LHCGR: variants seen among roughly 807,000 people sequenced by gnomAD.
The protein encoded by LHCGR is lutropin-choriogonadotropic hormone receptor.
In LHCGR, 55 loss-of-function variants were observed where a neutral mutation model predicts 60.7. That is an observed-to-expected ratio of 0.91 (90% CI 0.73 to 1.13). The LOEUF (loss-of-function observed/expected upper bound fraction) is 1.13. LHCGR is among the 50% of genes most tolerant of loss of function. The pLI, the probability that LHCGR is intolerant of heterozygous loss-of-function variation, is 0.00. For synonymous variants in LHCGR, 337 were observed against 316.5 expected (o/e 1.06, Z -0.69); for missense variants, 862 against 836.0 (o/e 1.03, Z -0.38).
intron 1 of LHCGR, among the ~76,000 whole-genome samples, chr2:48,735,641 G>A: frequency 6.6e-6 from 1 of 152,210 alleles, no homozygotes; most frequent in East Asian, 1.9e-4. Context: ...GGCACAGACG[G>A]TGACCCTGTG....
intron 1 of LHCGR, among the ~76,000 whole-genome samples, chr2:48,737,589 G>A (rs75406769): frequency 0.015 from 2,217 of 152,224 alleles, 38 homozygotes; most frequent in African/African-American, 0.051. Context: ...CAAAGGCATC[G>A]GACTATTTGG....
chr2:48,730,686 C>T (rs1251606021), intron 2 of LHCGR, among the ~76,000 whole-genome samples: 2 of 152,146 alleles, frequency 1.3e-5, no homozygotes, highest in African/African-American at 4.8e-5. Context: ...AAGCTGAAAC[C>T]CAGAAACAAA....
chr2:48,703,459 A>G (rs1667507820), intron 8 of LHCGR, among the ~76,000 whole-genome samples: 2 of 152,190 alleles, frequency 1.3e-5, no homozygotes, highest in African/African-American at 4.8e-5. Context: ...ATAAGGGTTT[A>G]AGGAAGGGAT....
intron 2 of LHCGR, 38 bp downstream of exon 2, chr2:48,731,189 A>C (rs946803752): frequency 7.3e-7 from 1 of 1,368,070 alleles, no homozygotes; most frequent in Non-Finnish European, 1.0e-6. Context: ...TCATTATTCC[A>C]ATTACGAATG....
intron 1 of LHCGR, among the ~76,000 whole-genome samples, chr2:48,736,397 C>A (rs922565184): frequency 6.6e-6 from 1 of 152,164 alleles, no homozygotes; most frequent in African/African-American, 2.4e-5. Context: ...CCAGCCAAAT[C>A]CAATTGCCAA....
At chr2:48,706,915 G>C (rs951650280) in intron 8 of LHCGR, among the ~76,000 whole-genome samples, 2 of 152,094 alleles carry the variant, frequency 1.3e-5, no homozygotes, top group African/African-American at 2.4e-5. Context: ...CTCATTCTCC[G>C]ACCAGTTTTG....
rs1667088646 is a variant in LHCGR at position 48,695,763 on chromosome 2, C to G, written c.867-1459G>C. On this transcript the variant is annotated intron_variant, in intron 9 of 10. Coordinates refer to ENST00000294954, the MANE Select transcript of LHCGR (RefSeq NM_000233.4). Reference sequence around the variant, plus strand: ...CATGGATGGAGCTGGAAGCCATAATCTTAAGTAAATTTATTCAAGATTAAA... The same window carrying G: ...CATGGATGGAGCTGGAAGCCATAATGTTAAGTAAATTTATTCAAGATTAAA... Among the ~76,000 whole-genome samples, 4 of 152,112 alleles carry G rather than the reference C, an allele frequency of 2.6e-5. No individual in the cohort carries two copies. In the South Asian group the frequency reaches 8.3e-4, roughly 31 times the overall value.
intron 4 of LHCGR, 115 bp downstream of exon 4, chr2:48,725,561 G>A: frequency 1.3e-6 from 1 of 768,870 alleles, no homozygotes; most frequent in South Asian, 1.4e-5. Context: ...AGAGGAACAT[G>A]CAAATAGTGC....
Position 48,742,865 on chromosome 2 carries a change from A to G in LHCGR, c.162-11567T>C, listed in dbSNP as rs1253516666. ...ATCAGAGCAGAACTGAAGGACATAG[A>G]GACACAAAAAACCCTTCAAAAAATT... On this transcript the variant is annotated intron_variant, in intron 1 of 10. Coordinates refer to ENST00000294954, the MANE Select transcript of LHCGR (RefSeq NM_000233.4). 3.9e-5 allele frequency among the ~76,000 whole-genome samples: 6 copies of G among 152,316 alleles called. No homozygotes were observed. In the East Asian group the frequency reaches 9.6e-4, roughly 24 times the overall value.
In LHCGR at chr2:48,754,173, A is replaced by T. The variant is rs531139604; in HGVS notation, c.161+1338T>A. Among the ~76,000 whole-genome samples the T allele has an allele frequency of 1.9e-3, 293 of 152,316 alleles. 1 individual carries two copies. Among genetic ancestry groups the T allele is most frequent in the African/African-American group, 6.2e-3 (257 of 41,572 alleles). ...GGACCTGACAAGATAATTAATGGAA[A>T]CTAATTAATATAAACCCCTCAACCC... On this transcript the variant is annotated intron_variant, in intron 1 of 10. Transcript: ENST00000294954.
chr2:48,723,150 A>T (rs1572864196), intron 6 of LHCGR, among the ~76,000 whole-genome samples: 1 of 152,170 alleles, frequency 6.6e-6, no homozygotes, highest in Non-Finnish European at 1.5e-5. Flanking sequence ...TCCTCTCTAG[A>T]CTGTGTCTTC....
intron 1 of LHCGR, among the ~76,000 whole-genome samples, chr2:48,740,334 C>A (rs12472551): frequency 0.16 from 24,560 of 152,196 alleles, 2,481 homozygotes; most frequent in East Asian, 0.32. Flanking sequence ...CTGGGTGGAG[C>A]CCACCACAGC....
chr2:48,733,413 C>T lies in LHCGR; in HGVS notation c.162-2115G>A, dbSNP rs150062761. 6.6e-5 allele frequency among the ~76,000 whole-genome samples: 10 copies of T among 152,226 alleles called. No individual in the cohort carries two copies. The East Asian group carries it at 9.6e-4, about 15-fold the overall frequency. On this transcript the variant is annotated intron_variant, in intron 1 of 10. Coordinates refer to ENST00000294954, the MANE Select transcript of LHCGR (RefSeq NM_000233.4). ...GGGAGGAGGGATGAGGAGCAAAGGT[C>T]GGACAGAAGTGCAAGAAGCTGTAGA...
chr2:48,738,714 G>A (rs1669306866), intron 1 of LHCGR, among the ~76,000 whole-genome samples: 1 of 152,146 alleles, frequency 6.6e-6, no homozygotes, highest in South Asian at 2.1e-4. Context: ...GAATTGAGAT[G>A]AGCTGTAAGT....
chr2:48,700,568 T>A (rs2104397198), intron 8 of LHCGR, among the ~76,000 whole-genome samples: 1 of 152,322 alleles, frequency 6.6e-6, no homozygotes, highest in East Asian at 1.9e-4. Flanking sequence ...GTGGGTTGGT[T>A]GTGTTTTGCA....
In LHCGR at chr2:48,725,671, C is replaced by T; in HGVS notation, c.383+5G>A. ...CCCAATTGCTTAAAAAGGAAAATTT[C>T]TCACAAGTATTTTAATCGGGGAAGA... On this transcript the variant is annotated splice_donor_5th_base_variant and intron_variant, in intron 4 of 10. Coordinates refer to ENST00000294954, the MANE Select transcript of LHCGR (RefSeq NM_000233.4). 1 of 1,608,212 alleles carries T rather than the reference C, an allele frequency of 6.2e-7. No homozygotes were observed. Among genetic ancestry groups the T allele is most frequent in the Non-Finnish European group, 8.5e-7 (1 of 1,174,814 alleles).
In LHCGR at chr2:48,694,236, T is replaced by C. The variant is rs2293275; in HGVS notation, c.935A>G (p.Asn312Ser). ...TGCAAATACTTACAGTGTTTTGTTA[T>C]TCACTTTCCTTACTGTGCTTTCACA... Reference protein sequence around the residue: ...KQCESTVRKVNNKTLYSSMLA... With the variant: ...KQCESTVRKVSNKTLYSSMLA... The change falls in exon 10 of 11, where the codon AAT becomes AGT. Residue 312 changes from asparagine to serine, a missense_variant. Asn to Ser is a conservative substitution (Grantham distance 46). Transcript: ENST00000294954. 0.58 allele frequency: 911,929 copies of C among 1,565,618 alleles called. 273,076 individuals carry two copies. The highest frequency in any genetic ancestry group is 0.94 in the East Asian group (41,595 of 44,430).
At chr2:48,702,649 A>G (rs1331015030) in intron 8 of LHCGR, among the ~76,000 whole-genome samples, 1 of 152,000 alleles carries the variant, frequency 6.6e-6, no homozygotes, top group Non-Finnish European at 1.5e-5. Flanking sequence ...CATTTTCTTT[A>G]TCCAGTCTAT....
chr2:48,726,846 A>G (rs762629808), intron 3 of LHCGR, among the ~76,000 whole-genome samples: 1 of 152,194 alleles, frequency 6.6e-6, no homozygotes, highest in Non-Finnish European at 1.5e-5. Context: ...AGTGTTAACA[A>G]TAGTTATAAT....
Sources: allele counts gnomAD v4.1 joint callset (sites outside exome capture counted in the v4.1 genomes callset), GRCh38; gene constraint gnomAD v4.1.1; transcripts MANE v1.5; gene names NCBI Gene and HGNC (gene_info 2026-07-23, HGNC 2026-07-21).